The following ARHGAP44 variants were observed in gnomAD, a reference collection of about 807,000 sequenced individuals.
The protein encoded by ARHGAP44 is rho GTPase-activating protein 44.
ARHGAP44 carries 43 observed loss-of-function variants against 106.8 expected under a neutral mutation model. That is an observed-to-expected ratio of 0.40 (90% confidence interval 0.32 to 0.52). ARHGAP44 has a LOEUF of 0.52. Among genes scored for constraint, ARHGAP44 ranks in the 20% least tolerant of loss-of-function variants. ARHGAP44 has a pLI of 0.48. For synonymous variants in ARHGAP44, 439 were observed against 410.3 expected, an observed-to-expected ratio of 1.07 and a Z score of -0.85; for missense variants, 866 against 1,050.5, an observed-to-expected ratio of 0.82 and a Z score of 2.43.
intron 1 of ARHGAP44, among the ~76,000 whole-genome samples, chr17:12,797,200 G>A (rs1247784250): frequency 1.3e-5 from 2 of 151,958 alleles, no homozygotes. Context: ...TATGTCTGGG[G>A]ATACTTTGCC....
In ARHGAP44 at chr17:12,944,131, C is replaced by T. The variant is rs762885019; in HGVS notation, c.796C>T (p.Arg266Trp). ...PLEEHLTISGREIAFPIEACV... is the reference protein window; with the variant it reads ...PLEEHLTISGWEIAFPIEACV... ...GGAGGAGCACCTCACCATCAGCGGC[C>T]GGGAGATCGCCTTCCCCATCGAGGC... The change falls in exon 10 of 21, where the codon CGG (arginine) becomes TGG (tryptophan). Residue 266 changes from arginine (R) to tryptophan (W), a missense_variant. By Grantham distance (101) the Arg-to-Trp change is moderately radical. Coordinates refer to ENST00000379672, the MANE Select transcript of ARHGAP44 (RefSeq NM_014859.6). The T allele has an allele frequency of 4.3e-6, 7 of 1,612,696 alleles. No homozygotes were observed. The highest frequency in any genetic ancestry group is 2.2e-5 in the East Asian group (1 of 44,860).
chr17:12,989,703 A>G (rs1598174858), intron 20 of ARHGAP44, among the ~76,000 whole-genome samples: 1 of 152,250 alleles, frequency 6.6e-6, no homozygotes, highest in East Asian at 1.9e-4. Context: ...TAGATCCCCA[A>G]AAAGGTGTCA....
Position 12,863,174 on chromosome 17 carries a change from A to T in ARHGAP44, c.54-31766A>T, listed in dbSNP as rs549180038. Among the ~76,000 whole-genome samples the T allele has an allele frequency of 1.5e-3, 224 of 152,032 alleles. 2 individuals are homozygous for T. Among genetic ancestry groups the T allele is most frequent in the African/African-American group, 3.4e-3 (143 of 41,528 alleles). On this transcript the variant is annotated intron_variant, in intron 1 of 20. Coordinates refer to ENST00000379672, the MANE Select transcript of ARHGAP44 (RefSeq NM_014859.6). ...AAAATAATTTTAAAAAATTAAAAAA[A>T]TTTTTTTAAAGGTTATTGCACCTAA...
chr17:12,838,757 C>T (rs779803997), intron 1 of ARHGAP44, among the ~76,000 whole-genome samples: 12 of 152,048 alleles, frequency 7.9e-5, no homozygotes, highest in Non-Finnish European at 1.5e-4. Flanking sequence ...CAGCAAACTC[C>T]GCCTCCTGGG....
intron 18 of ARHGAP44, among the ~76,000 whole-genome samples, chr17:12,977,138 C>T (rs1370930010): frequency 7.9e-5 from 12 of 152,048 alleles, no homozygotes; most frequent in Admixed American, 7.9e-4. Flanking sequence ...ATTTTAAAGC[C>T]AACTCACATT....
intron 18 of ARHGAP44, among the ~76,000 whole-genome samples, chr17:12,978,352 A>AT (rs1180278941): frequency 3.3e-5 from 5 of 149,336 alleles, no homozygotes; most frequent in African/African-American, 9.8e-5. Flanking sequence ...CATGAACAGA[A>AT]TAGAGAAAGG....
intron 16 of ARHGAP44, among the ~76,000 whole-genome samples, chr17:12,964,796 A>C (rs2039351160): frequency 6.6e-6 from 1 of 152,128 alleles, no homozygotes; most frequent in Non-Finnish European, 1.5e-5. Context: ...CAAAAAAAAC[A>C]GAATAGAAGC....
intron 1 of ARHGAP44, among the ~76,000 whole-genome samples, chr17:12,861,687 T>C (rs1191123519): frequency 8.6e-6 from 1 of 116,874 alleles, no homozygotes; most frequent in Non-Finnish European, 1.8e-5. Flanking sequence ...GTCGCTGGAG[T>C]GCAGTGGCGC....
At chr17:12,858,787 T>C (rs1597953194) in intron 1 of ARHGAP44, among the ~76,000 whole-genome samples, 1 of 152,226 alleles carries the variant, frequency 6.6e-6, no homozygotes, top group East Asian at 1.9e-4. Flanking sequence ...CAAGACTGGA[T>C]AATTTATAAA....
intron 1 of ARHGAP44, among the ~76,000 whole-genome samples, chr17:12,882,919 T>C (rs1425799994): frequency 1.3e-5 from 2 of 152,052 alleles, no homozygotes; most frequent in Admixed American, 1.3e-4. Flanking sequence ...TGAGTTGCAC[T>C]GTGTTACTTC....
chr17:12,800,495 T>A (rs1460954218), intron 1 of ARHGAP44, among the ~76,000 whole-genome samples: 1 of 152,186 alleles, frequency 6.6e-6, no homozygotes, highest in Non-Finnish European at 1.5e-5. Context: ...CCACACATGG[T>A]GCAGTGATGG....
At chr17:12,814,494 G>A (rs1489836684) in intron 1 of ARHGAP44, among the ~76,000 whole-genome samples, 1 of 151,504 alleles carries the variant, frequency 6.6e-6, no homozygotes, top group African/African-American at 2.4e-5. Flanking sequence ...GCCCGCCTCG[G>A]CCTCCCGAAG....
At chr17:12,843,140 T>G (rs1218355625) in intron 1 of ARHGAP44, among the ~76,000 whole-genome samples, 1 of 152,202 alleles carries the variant, frequency 6.6e-6, no homozygotes, top group Non-Finnish European at 1.5e-5. Flanking sequence ...AACATCCAAA[T>G]GTCCCTTCTG....
At chr17:12,883,675 A>C (rs946243634) in intron 1 of ARHGAP44, among the ~76,000 whole-genome samples, 1 of 152,102 alleles carries the variant, frequency 6.6e-6, no homozygotes, top group Non-Finnish European at 1.5e-5. Flanking sequence ...TATTTATTTG[A>C]ATTTAAATTA....
intron 16 of ARHGAP44, among the ~76,000 whole-genome samples, chr17:12,964,125 G>A (rs900170686): frequency 6.6e-6 from 1 of 152,020 alleles, no homozygotes; most frequent in Admixed American, 6.6e-5. Flanking sequence ...GAAAGTTTTG[G>A]GTGCAGATTA....
chr17:12,851,464 C>T (rs1239452237), intron 1 of ARHGAP44, among the ~76,000 whole-genome samples: 1 of 152,128 alleles, frequency 6.6e-6, no homozygotes, highest in Non-Finnish European at 1.5e-5. Flanking sequence ...TCTTTACTTT[C>T]TCTTCTTTTT....
intron 16 of ARHGAP44, among the ~76,000 whole-genome samples, chr17:12,962,545 T>A (rs780757059): frequency 6.6e-6 from 1 of 152,186 alleles, no homozygotes; most frequent in Non-Finnish European, 1.5e-5. Flanking sequence ...GGGCTCTACA[T>A]GACATCATGT....
chr17:12,805,336 T>C (rs977968459), intron 1 of ARHGAP44, among the ~76,000 whole-genome samples: 19 of 152,218 alleles, frequency 1.2e-4, no homozygotes, highest in African/African-American at 4.3e-4. Flanking sequence ...TCCACAGTGC[T>C]TTGCAAATAG....
At chr17:12,851,201 G>A (rs545268884) in intron 1 of ARHGAP44, among the ~76,000 whole-genome samples, 67 of 152,270 alleles carry the variant, frequency 4.4e-4, no homozygotes, top group Admixed American at 3.9e-3. Context: ...TGGCACCTCC[G>A]CTGTGGCCTC....
Sources: allele counts gnomAD v4.1 joint callset (sites outside exome capture counted in the v4.1 genomes callset), GRCh38; gene constraint gnomAD v4.1.1; transcripts MANE v1.5; gene names NCBI Gene and HGNC (gene_info 2026-07-23, HGNC 2026-07-21).